The following TLE6 variants were observed in gnomAD, a reference collection of about 807,000 sequenced individuals.
TLE6 encodes the protein TLE family member 6, subcortical maternal complex member.
A neutral mutation model predicts 77.1 loss-of-function variants in TLE6; 72 were observed. The ratio of observed to expected loss-of-function variants is 0.93; its 90% CI spans 0.77 to 1.14. The LOEUF (loss-of-function observed/expected upper bound fraction) is 1.14, where lower values mean the gene tolerates loss of function less well. Among genes scored for constraint, TLE6 ranks in the 50% most tolerant of loss-of-function variants. The pLI, the probability that TLE6 is intolerant of heterozygous loss-of-function variation, is 0.00. For missense variants in TLE6, 843 were observed against 747.6 expected (o/e 1.13, Z -1.49); for synonymous variants, 366 against 287.3 (o/e 1.27, Z -2.77).
Position 2,995,109 on chromosome 19 carries a change from T to C in TLE6, c.*105T>C. On this transcript the variant is annotated 3_prime_UTR_variant, in exon 17 of 17. Coordinates refer to ENST00000246112, the MANE Select transcript of TLE6 (RefSeq NM_001143986.2). Reference sequence around the variant, plus strand: ...GGAGGGAAGCGGGAAGGCTCTTCTGTGGCATCGCACGATCTAGTCTGTGGT... The same window carrying C: ...GGAGGGAAGCGGGAAGGCTCTTCTGCGGCATCGCACGATCTAGTCTGTGGT... 1 of 718,178 alleles carries C rather than the reference T, an allele frequency of 1.4e-6. No homozygotes were observed. The highest frequency in any genetic ancestry group is 2.3e-6 in the Non-Finnish European group (1 of 426,182). The allele number at this position is 718,178 out of a possible 1,614,324, so 44.5% of individuals were successfully genotyped here.
intron 14 of TLE6, among the ~76,000 whole-genome samples, chr19:2,992,588 TAGTG>T (rs2089094676): frequency 6.6e-6 from 1 of 151,552 alleles, no homozygotes; most frequent in Non-Finnish European, 1.5e-5. Flanking sequence ...CTGGGCAACA[TAGTG>T]AGACCCTGTT....
In TLE6 at chr19:2,989,174, A is replaced by G. The variant is rs2088984093; in HGVS notation, c.854A>G (p.His285Arg). Reference protein sequence around the residue: ...CKLEKMRILAHGELVLATAIS... With the variant: ...CKLEKMRILARGELVLATAIS... ...CTGGAAAAGATGCGGATCTTGGCAC[A>G]CGGGGAGCTCGTGCTCGCCACGGCC... The change falls in exon 12 of 17, where the codon CAC becomes CGC. Residue 285 changes from histidine to arginine, a missense_variant. Physicochemically the swap from His to Arg is conservative, Grantham distance 29. Transcript: ENST00000246112. The G allele has an allele frequency of 1.2e-6, 2 of 1,614,142 alleles. No individual in the cohort carries two copies. Among genetic ancestry groups the G allele is most frequent in the Non-Finnish European group, 8.5e-7 (1 of 1,180,058 alleles).
Position 2,989,177 on chromosome 19 carries a change from G to T in TLE6, c.857G>T (p.Gly286Val). The change falls in exon 12 of 17, where the codon GGG (glycine) becomes GTG (valine). Residue 286 changes from glycine to valine, a missense_variant. Gly to Val is a moderately radical substitution (Grantham distance 109). Transcript: ENST00000246112. ...KLEKMRILAH[G>V]ELVLATAISS... ...GAAAAGATGCGGATCTTGGCACACGGGGAGCTCGTGCTCGCCACGGCCATC... is the reference window on the plus strand; with the variant it reads ...GAAAAGATGCGGATCTTGGCACACGTGGAGCTCGTGCTCGCCACGGCCATC... 1 of 1,614,110 alleles carries T rather than the reference G, an allele frequency of 6.2e-7. No individual in the cohort carries two copies.
intron 13 of TLE6, among the ~76,000 whole-genome samples, chr19:2,991,016 A>G (rs2089040431): frequency 7.5e-6 from 1 of 132,826 alleles, no homozygotes; most frequent in African/African-American, 4.0e-5. Flanking sequence ...TTACATACAT[A>G]CATACATACA....
intron 14 of TLE6, among the ~76,000 whole-genome samples, chr19:2,992,813 G>GGGGGGGGGGC (rs2089106820): frequency 2.3e-5 from 1 of 44,278 alleles, no homozygotes; most frequent in African/African-American, 7.0e-5. Flanking sequence ...GCGGGTGGGG[G>GGGGGGGGGGC]GGGGGGAGGA....
intron 5 of TLE6, among the ~76,000 whole-genome samples, chr19:2,983,704 G>C (rs2088846233): frequency 6.6e-6 from 1 of 151,956 alleles, no homozygotes; most frequent in Non-Finnish European, 1.5e-5. Context: ...AGGGAGGTGG[G>C]AGCCATGGAG....
In TLE6 at chr19:2,994,986, G is replaced by C. The variant is rs1167687251; in HGVS notation, c.1701G>C (p.Val567=). 1 of 1,607,162 alleles carries C rather than the reference G, an allele frequency of 6.2e-7. No individual in the cohort carries two copies. Among genetic ancestry groups the C allele is most frequent in the African/African-American group, 1.3e-5 (1 of 74,744 alleles). ...CAGGCTCCGGGGAGCACGCCTCCGTGTACCAGATCACCTACTGAGGGGCCT... is the reference window on the plus strand; with the variant it reads ...CAGGCTCCGGGGAGCACGCCTCCGTCTACCAGATCACCTACTGAGGGGCCT... The part of the protein sequence containing the change: ...VVTGSGEHAS[V]YQITY The change falls in exon 17 of 17, where the codon GTG becomes GTC. Residue 567 remains valine (V), a synonymous_variant. Transcript: ENST00000246112.
intron 10 of TLE6, 55 bp from the exon 11 acceptor site, chr19:2,988,036 G>T: frequency 6.4e-7 from 1 of 1,572,628 alleles, no homozygotes; most frequent in Non-Finnish European, 8.6e-7. Context: ...GGTAGAGGAG[G>T]TGGGCACAGA....
At chr19:2,979,342 G>A (rs1228309346) in intron 2 of TLE6, among the ~76,000 whole-genome samples, 1 of 151,782 alleles carries the variant, frequency 6.6e-6, no homozygotes, top group Non-Finnish European at 1.5e-5. Flanking sequence ...CACCTCCCAG[G>A]TTCAAGTGAT....
At chr19:2,991,806 CTT>C (rs1568218558) in intron 13 of TLE6, 35 bp from the exon 14 acceptor site, 1 of 1,610,526 alleles carries the variant, frequency 6.2e-7, no homozygotes, top group South Asian at 1.1e-5. Context: ...ACCTCAGAGT[CTT>C]GACCTGATTG....
intron 5 of TLE6, among the ~76,000 whole-genome samples, chr19:2,983,215 GAT>G (rs2088835064): frequency 3.3e-5 from 5 of 152,328 alleles, no homozygotes; most frequent in Admixed American, 3.3e-4. Context: ...TCATTCAGCA[GAT>G]ATTTATCCAT....
chr19:2,977,407 C>A (rs1032049657), upstream of TLE6: 6 of 152,300 alleles, frequency 3.9e-5, no homozygotes, highest in East Asian at 1.9e-4. Context: ...AGGCCTGCCC[C>A]CCCCGGAGCC....
At chr19:2,979,169 G>A (rs1319261057) in intron 2 of TLE6, among the ~76,000 whole-genome samples, 1 of 151,952 alleles carries the variant, frequency 6.6e-6, no homozygotes, top group East Asian at 1.9e-4. Context: ...GGCCAGGCTG[G>A]TCTCGAGCTC....
Position 2,989,090 on chromosome 19 carries a change from C to T in TLE6, c.770C>T (p.Ala257Val), listed in dbSNP as rs1233031120. The change falls in exon 12 of 17, where the codon GCA (alanine) becomes GTA (valine). Residue 257 changes from alanine (A) to valine (V), a missense_variant. Physicochemically the swap from Ala to Val is moderately conservative, Grantham distance 64. Coordinates refer to ENST00000246112, the MANE Select transcript of TLE6 (RefSeq NM_001143986.2). ...ISWDPEDFED[A>V]WKRPDALPGQ... ...TGGGACCCTGAGGACTTTGAAGATG[C>T]ATGGAAGAGGCCAGATGCCTTGCCC... 8.7e-6 allele frequency: 14 copies of T among 1,614,104 alleles called. No individual in the cohort carries two copies. Among genetic ancestry groups the T allele is most frequent in the Non-Finnish European group, 1.1e-5 (13 of 1,180,032 alleles).
chr19:2,979,707 G>A (rs575392001), intron 2 of TLE6, among the ~76,000 whole-genome samples: 33 of 151,450 alleles, frequency 2.2e-4, no homozygotes, highest in African/African-American at 6.0e-4. Flanking sequence ...TTAGGAGGCC[G>A]AGGCGGGTAG....
rs1259089508 is a variant in TLE6, at chr19:2,987,093, CCGG to C, written c.401_403del (p.Arg134del). 2 of 1,614,048 alleles carry C rather than the reference CCGG, an allele frequency of 1.2e-6. No individual in the cohort carries two copies. The highest frequency in any genetic ancestry group is 2.7e-5 in the African/African-American group (2 of 74,946). ...TGGCCACCAGGTCCTCCGACTGGCT[CCGG>C]CGGCCTTTGGGGGAGGACAATCAGC... On this transcript the variant is annotated inframe_deletion, in exon 7 of 17. Coordinates refer to ENST00000246112, the MANE Select transcript of TLE6 (RefSeq NM_001143986.2).
At position 2,985,283 on chromosome 19, in the gene TLE6, A is replaced by G. The variant is rs1599157132; in HGVS notation, c.223-1546A>G. Among the ~76,000 whole-genome samples the G allele has an allele frequency of 2.0e-5, 3 of 152,026 alleles. No individual in the cohort carries two copies. The South Asian group carries it at 6.2e-4, about 32-fold the overall frequency. On this transcript the variant is annotated intron_variant, in intron 5 of 16. Transcript: ENST00000246112. The stretch of plus-strand genomic sequence containing the variant: ...AAAAAATTACCACTGACTTGTTTCT[A>G]TCAATTCTCCCCAGCAGGTAACCCT...
At chr19:2,993,886 A>G (rs1599175396) in intron 15 of TLE6, 133 bp from the exon 16 acceptor site, 1 of 782,570 alleles carries the variant, frequency 1.3e-6, no homozygotes, top group East Asian at 2.8e-5. Context: ...CACTGACTGT[A>G]GTCCAGCCTG....
chr19:2,978,764 G>A (rs1224030564), intron 2 of TLE6, among the ~76,000 whole-genome samples: 1 of 152,050 alleles, frequency 6.6e-6, no homozygotes, highest in Non-Finnish European at 1.5e-5. Flanking sequence ...AAAAAAAAAT[G>A]TAGCATCTAA....
Sources: allele counts gnomAD v4.1 joint callset (sites outside exome capture counted in the v4.1 genomes callset), GRCh38; gene constraint gnomAD v4.1.1; transcripts MANE v1.5; gene names NCBI Gene and HGNC (gene_info 2026-07-23, HGNC 2026-07-21).